The following GRID2 variants were observed in gnomAD, a reference collection of about 807,000 sequenced individuals.
GRID2 encodes glutamate receptor ionotropic, delta-2.
A neutral mutation model predicts 114.8 loss-of-function variants in GRID2; 33 were observed. The observed-to-expected ratio is 0.29, with a 90% CI of 0.22 to 0.38. GRID2 has a LOEUF of 0.38. Ranked by LOEUF, GRID2 falls within the 10% of genes least tolerant of loss-of-function variation. The pLI, the probability that GRID2 is intolerant of heterozygous loss-of-function variation, is 1.00. For synonymous variants in GRID2, 505 were observed against 449.9 expected (o/e 1.12, Z -1.55); for missense variants, 1,184 against 1,257.7 (o/e 0.94, Z 0.89).
At chr4:93,619,702 G>A (rs1323978781) in intron 13 of GRID2, among the ~76,000 whole-genome samples, 1 of 152,212 alleles carries the variant, frequency 6.6e-6, no homozygotes, top group African/African-American at 2.4e-5. Context: ...AGGGTCCAGA[G>A]TCATATAAAC....
chr4:92,818,811 A>G (rs1257226786), intron 2 of GRID2, among the ~76,000 whole-genome samples: 1 of 152,112 alleles, frequency 6.6e-6, no homozygotes, highest in Non-Finnish European at 1.5e-5. Flanking sequence ...CCTATGGACA[A>G]CTACCCTTTT....
chr4:92,706,774 G>A (rs553828187), intron 2 of GRID2, among the ~76,000 whole-genome samples: 1 of 152,168 alleles, frequency 6.6e-6, no homozygotes, highest in Admixed American at 6.5e-5. Flanking sequence ...GCATACATTT[G>A]GTGTGGTTTA....
intron 2 of GRID2, among the ~76,000 whole-genome samples, chr4:92,929,886 TAATA>T (rs982954900): frequency 1.3e-5 from 2 of 151,390 alleles, no homozygotes; most frequent in African/African-American, 2.4e-5. Flanking sequence ...ACTGTTTGCT[TAATA>T]AATATATTAA....
chr4:92,565,703 T>C (rs1020635103), intron 1 of GRID2, among the ~76,000 whole-genome samples: 4 of 151,990 alleles, frequency 2.6e-5, no homozygotes, highest in African/African-American at 9.7e-5. Context: ...CTATAGTGTG[T>C]GCTAAAGAAA....
chr4:93,355,356 T>C (rs756176648), intron 8 of GRID2, among the ~76,000 whole-genome samples: 2 of 151,986 alleles, frequency 1.3e-5, no homozygotes, highest in Non-Finnish European at 2.9e-5. Context: ...TGGTCACTTG[T>C]GTGATTGGCA....
chr4:92,863,201 A>T (rs1473032921), intron 2 of GRID2, among the ~76,000 whole-genome samples: 13 of 152,094 alleles, frequency 8.5e-5, no homozygotes, highest in Non-Finnish European at 1.9e-4. Context: ...CTTTGCCAAC[A>T]TGTACATTTC....
At chr4:92,678,962 T>A (rs1040554851) in intron 2 of GRID2, among the ~76,000 whole-genome samples, 6 of 148,688 alleles carry the variant, frequency 4.0e-5, no homozygotes, top group Non-Finnish European at 8.9e-5. Context: ...TCTCTCCGAC[T>A]GCAAATAGCT....
intron 2 of GRID2, among the ~76,000 whole-genome samples, chr4:92,866,313 C>T (rs542074048): frequency 7.2e-5 from 11 of 152,276 alleles, no homozygotes; most frequent in African/African-American, 2.6e-4. Context: ...CGTATCACTT[C>T]ATACAAATCT....
intron 1 of GRID2, among the ~76,000 whole-genome samples, chr4:93,802,948 C>T (rs188053838): frequency 3.1e-4 from 47 of 152,232 alleles, no homozygotes; most frequent in African/African-American, 8.7e-4. Flanking sequence ...AGATCGTAAG[C>T]GCATTTAGGT....
intron 1 of GRID2, among the ~76,000 whole-genome samples, chr4:92,468,628 A>G (rs887862597): frequency 4.6e-5 from 7 of 152,234 alleles, no homozygotes; most frequent in African/African-American, 1.7e-4. Flanking sequence ...AAACAAAAAA[A>G]CAAACACCTC....
chr4:93,686,471 A>C (rs72873075), intron 14 of GRID2, among the ~76,000 whole-genome samples: 7,584 of 151,694 alleles, frequency 0.05, 622 homozygotes, highest in African/African-American at 0.17. Context: ...CAGGCTTAAG[A>C]TATAGAAGTA....
intron 2 of GRID2, among the ~76,000 whole-genome samples, chr4:92,616,688 G>C (rs62307895): frequency 0.055 from 8,394 of 151,288 alleles, 291 homozygotes; most frequent in East Asian, 0.16. Context: ...GTTAGACTTA[G>C]CATACAGTGT....
At chr4:93,593,109 G>A (rs1171842383) in intron 13 of GRID2, among the ~76,000 whole-genome samples, 1 of 151,342 alleles carries the variant, frequency 6.6e-6, no homozygotes, top group East Asian at 1.9e-4. Flanking sequence ...TATGATGTTA[G>A]CTGGTTATTT....
intron 4 of GRID2, among the ~76,000 whole-genome samples, chr4:93,183,908 C>T (rs570673605): frequency 1.1e-4 from 17 of 152,138 alleles, no homozygotes; most frequent in Non-Finnish European, 8.8e-5. Flanking sequence ...TTTTAAGTGT[C>T]CACTGTACCT....
intron 11 of GRID2, among the ~76,000 whole-genome samples, chr4:93,476,460 T>G (rs906292199): frequency 5.3e-5 from 8 of 152,154 alleles, no homozygotes; most frequent in African/African-American, 1.9e-4. Context: ...CTTTCAAATG[T>G]TTTAATTTTG....
At chr4:93,485,914 T>A (rs572066741) in intron 11 of GRID2, among the ~76,000 whole-genome samples, 2 of 151,632 alleles carry the variant, frequency 1.3e-5, no homozygotes, top group African/African-American at 4.8e-5. Context: ...GGATTTTTAA[T>A]TGGGAATTCA....
intron 2 of GRID2, among the ~76,000 whole-genome samples, chr4:93,034,505 AG>A (rs1724733750): frequency 6.6e-6 from 1 of 152,176 alleles, no homozygotes; most frequent in South Asian, 2.1e-4. Context: ...ATGCTTTCTC[AG>A]GTGTTATACT....
chr4:93,725,398 G>C (rs1188435745), intron 14 of GRID2, among the ~76,000 whole-genome samples: 3 of 152,266 alleles, frequency 2.0e-5, no homozygotes, highest in African/African-American at 4.8e-5. Context: ...GGACATTTGG[G>C]TTGGTTCCAA....
chr4:93,003,744 C>T (rs1477048618), intron 2 of GRID2, among the ~76,000 whole-genome samples: 1 of 151,924 alleles, frequency 6.6e-6, no homozygotes, highest in Non-Finnish European at 1.5e-5. Context: ...CATCAGAAAT[C>T]TCCAGGAATA....
Sources: gnomAD v4.1 joint callset for allele counts (sites outside exome capture counted in the v4.1 genomes callset) on GRCh38, gnomAD v4.1.1 for gene constraint, MANE v1.5 for transcripts, NCBI Gene and HGNC (gene_info 2026-07-23, HGNC 2026-07-21) for gene names.